Variants in CYBA observed in about 807,000 individuals in gnomAD.
The protein encoded by CYBA is cytochrome b-245 light chain.
In CYBA, 21 loss-of-function variants were observed where a neutral mutation model predicts 20.8. The observed-to-expected ratio is 1.01, with a 90% CI of 0.72 to 1.46. The LOEUF (loss-of-function observed/expected upper bound fraction) is 1.46, where lower values mean the gene tolerates loss of function less well. Ranked by LOEUF, CYBA falls within the 40% of genes most tolerant of loss-of-function variation. The probability of loss-of-function intolerance (pLI) is 0.00; values close to 1 mark genes in which losing one functional copy is unlikely to be tolerated. For synonymous variants in CYBA, 164 were observed against 127.5 expected, an observed-to-expected ratio of 1.29 and a Z score of -1.93; for missense variants, 344 against 287.0, an observed-to-expected ratio of 1.20 and a Z score of -1.43.
At chr16:88,644,591 G>A (rs556087685) in intron 5 of CYBA, among the ~76,000 whole-genome samples, 63 of 152,340 alleles carry the variant, frequency 4.1e-4, no homozygotes, top group Non-Finnish European at 8.2e-4. Context: ...TTGGGAGGCC[G>A]AGGCGGGCGG....
At chr16:88,648,013 C>G (rs1163347295) in intron 2 of CYBA, 32 bp downstream of exon 2, 4 of 1,592,194 alleles carry the variant, frequency 2.5e-6, no homozygotes, top group Non-Finnish European at 3.4e-6. Context: ...CTGGGCGTTC[C>G]CCGCCCACCC....
In CYBA at chr16:88,643,943, A is replaced by G. The variant is rs1225036679; in HGVS notation, c.370-372T>C. On this transcript the variant is annotated intron_variant, in intron 5 of 5. Coordinates refer to ENST00000261623, the MANE Select transcript of CYBA (RefSeq NM_000101.4). This position sits in a 1 kb window ranked among gnomAD's most constrained non-coding sequence, Gnocchi z 4.3. ...GGTCCAGCAGGAGGGGTGGCCCAGGAGAGTAGCAGGCCCTGCTCCGTCTGG... is the reference window on the plus strand; with the variant it reads ...GGTCCAGCAGGAGGGGTGGCCCAGGGGAGTAGCAGGCCCTGCTCCGTCTGG... Among the ~76,000 whole-genome samples the G allele has an allele frequency of 6.6e-6, 1 of 152,120 alleles. No homozygotes were observed. The highest frequency in any genetic ancestry group is 1.5e-5 in the Non-Finnish European group (1 of 68,024).
Position 88,646,128 on chromosome 16 carries a change from G to A in CYBA, c.357C>T (p.Gly119=), listed in dbSNP as rs1907268479. The part of the protein sequence containing the change: ...LGTACLAIAS[G]IYLLAAVRGE... ...GGGCGCCACTCACCAGTAGGTAGAT[G>A]CCGCTCGCAATGGCCAGGCAGGCGG... Residue 119 remains glycine (G), a synonymous_variant, in exon 5 of 6, where the codon GGC becomes GGT. Coordinates refer to ENST00000261623, the MANE Select transcript of CYBA (RefSeq NM_000101.4). 3.9e-6 allele frequency: 6 copies of A among 1,555,024 alleles called. No homozygotes were observed. The highest frequency in any genetic ancestry group is 5.2e-6 in the Non-Finnish European group (6 of 1,150,946).
chr16:88,647,984 G>C lies in CYBA; in HGVS notation c.128+61C>G. On this transcript the variant is annotated intron_variant, in intron 2 of 5. Transcript: ENST00000261623. ...GCGGAGGCAAACAGCTCACTGTGAA[G>C]TGGCTCCCCAGCTCTGCCCTGGGCG... 6 of 1,501,174 alleles carry C rather than the reference G, an allele frequency of 4.0e-6. 1 individual carries two copies. The South Asian group carries it at 7.0e-5, about 18-fold the overall frequency. 93.0% of individuals were successfully genotyped at this position (1,501,174 alleles called of 1,614,324 possible). A position where few individuals can be genotyped will look rare whatever the true frequency, so the allele number is the denominator to read the frequency against.
chr16:88,646,137 A>G lies in CYBA; in HGVS notation c.348T>C (p.Ile116=), dbSNP rs1252969420. The G allele has an allele frequency of 3.9e-6, 6 of 1,557,936 alleles. No homozygotes were observed. The highest frequency in any genetic ancestry group is 3.5e-5 in the South Asian group (3 of 84,590). ...TCACCAGTAGGTAGATGCCGCTCGC[A>G]ATGGCCAGGCAGGCGGTCCCAAGGA... The part of the protein sequence containing the change: ...ATILGTACLA[I]ASGIYLLAAV... The change falls in exon 5 of 6, where the codon ATT becomes ATC. Residue 116 remains isoleucine (I), a synonymous_variant. Coordinates refer to ENST00000261623, the MANE Select transcript of CYBA (RefSeq NM_000101.4).
At chr16:88,644,147 G>T (rs1907192768) in intron 5 of CYBA, among the ~76,000 whole-genome samples, 1 of 152,266 alleles carries the variant, frequency 6.6e-6, no homozygotes, top group Admixed American at 6.5e-5. Context: ...GGACCTGGGA[G>T]TGTGTGCTTT....
intron 1 of CYBA, 77 bp from the exon 2 acceptor site, chr16:88,648,191 T>A: frequency 7.0e-7 from 1 of 1,432,570 alleles, no homozygotes; most frequent in Admixed American, 2.0e-5. Context: ...CTACCTACTG[T>A]GGGCCACCAG....
intron 5 of CYBA, chr16:88,645,427 G>C: frequency 2.8e-6 from 2 of 702,266 alleles, no homozygotes; most frequent in Non-Finnish European, 5.2e-6. Flanking sequence ...GAGGGACTTG[G>C]CTCTATGGAC....
chr16:88,651,025 C>G lies in CYBA; in HGVS notation c.-12G>C. 1 of 1,591,088 alleles carries G rather than the reference C, an allele frequency of 6.3e-7. No individual in the cohort carries two copies. ...TCGATCTGCCCCATGGCGACACGAA[C>G]CCGGCTGGGACACTGCTAGGCGCGC... On this transcript the variant is annotated 5_prime_UTR_variant, in exon 1 of 6. Coordinates refer to ENST00000261623, the MANE Select transcript of CYBA (RefSeq NM_000101.4).
At position 88,643,835 on chromosome 16, in the gene CYBA, T is replaced by C. The variant is rs1027816843; in HGVS notation, c.370-264A>G. On this transcript the variant is annotated intron_variant, in intron 5 of 5. Coordinates refer to ENST00000261623, the MANE Select transcript of CYBA (RefSeq NM_000101.4). This position sits in a 1 kb window ranked among gnomAD's most constrained non-coding sequence, Gnocchi z 4.3. ...CCTGGGCTTCTGGAAGATCCCGTGG[T>C]GGACACTCCCAGATGCAAATTCTAG... Among the ~76,000 whole-genome samples the C allele has an allele frequency of 2.6e-5, 4 of 152,198 alleles. No homozygotes were observed. The highest frequency in any genetic ancestry group is 9.6e-5 in the African/African-American group (4 of 41,456).
intron 2 of CYBA, chr16:88,647,582 G>A (rs1310451447): frequency 5.5e-6 from 2 of 365,256 alleles, no homozygotes; most frequent in Admixed American, 7.7e-5. Flanking sequence ...GAGCCAGGAG[G>A]CAGCCACGGG....
chr16:88,645,885 C>T, intron 5 of CYBA: 2 of 586,944 alleles, frequency 3.4e-6, no homozygotes, highest in South Asian at 4.1e-5. Flanking sequence ...GGCTGTGGTG[C>T]GGGTTAATGA....
At chr16:88,645,042 GGTGGGTTGTCT>G (rs1567608302) in intron 5 of CYBA, 1 of 638,122 alleles carries the variant, frequency 1.6e-6, no homozygotes, top group Non-Finnish European at 2.8e-6. Flanking sequence ...CATGGCTGGT[GGTGGGTTGTCT>G]GCTGAGGAGC....
intron 1 of CYBA, among the ~76,000 whole-genome samples, chr16:88,649,833 A>G (rs1907438345): frequency 6.6e-6 from 1 of 152,200 alleles, no homozygotes; most frequent in Admixed American, 6.5e-5. Flanking sequence ...AGGCCAGACT[A>G]GAGCCCAGGT....
chr16:88,650,913 C>T (rs1467521659), intron 1 of CYBA, 43 bp downstream of exon 1: 2 of 1,558,746 alleles, frequency 1.3e-6, no homozygotes, highest in East Asian at 2.4e-5. Flanking sequence ...TCTTGGGACA[C>T]CCCTCCAGGC....
intron 4 of CYBA, 198 bp downstream of exon 4, chr16:88,646,557 G>A (rs1460178484): frequency 1.4e-6 from 1 of 705,208 alleles, no homozygotes; most frequent in East Asian, 2.7e-5. Context: ...CCTCGGATTT[G>A]GAGTGGATCC....
At position 88,647,753 on chromosome 16, in the gene CYBA, G is replaced by A. The variant is rs978793236; in HGVS notation, c.128+292C>T. 225 of 531,026 alleles carry A rather than the reference G, an allele frequency of 4.2e-4. 1 individual carries two copies. Among genetic ancestry groups the A allele is most frequent in the Non-Finnish European group, 6.7e-4 (197 of 292,554 alleles). 32.9% of individuals were successfully genotyped at this position (531,026 alleles called of 1,614,324 possible). A position where few individuals can be genotyped will look rare whatever the true frequency, so the allele number is the denominator to read the frequency against. ...GGATGACTGACAGGAGCGGGCAGAG[G>A]GGATCCCAGCAGTCCAACAGGGAGG... On this transcript the variant is annotated intron_variant, in intron 2 of 5. Transcript: ENST00000261623.
At chr16:88,650,669 G>A in intron 1 of CYBA, 1 of 596,876 alleles carries the variant, frequency 1.7e-6, no homozygotes. Context: ...CCCCTGCGCT[G>A]CAACTTCCTC....
intron 1 of CYBA, among the ~76,000 whole-genome samples, chr16:88,648,604 A>G (rs1228197627): frequency 6.7e-6 from 1 of 150,154 alleles, no homozygotes. Flanking sequence ...GGTATTGTCC[A>G]ATATTCCCCC....
Sources: gnomAD v4.1 joint callset for allele counts (sites outside exome capture counted in the v4.1 genomes callset) on GRCh38, gnomAD v4.1.1 for gene constraint, Gnocchi (gnomAD v3.1) non-coding constraint, MANE v1.5 for transcripts, NCBI Gene and HGNC (gene_info 2026-07-23, HGNC 2026-07-21) for gene names.